NOS3: variants seen among roughly 807,000 people sequenced by gnomAD.
NOS3 encodes NOS type III.
Under a neutral mutation model 144.9 loss-of-function variants are expected in NOS3, and 98 were observed. The observed-to-expected ratio is 0.68, with a 90% confidence interval of 0.57 to 0.80. NOS3 has a LOEUF of 0.80. Ranked by LOEUF, NOS3 falls within the 30% of genes least tolerant of loss-of-function variation. NOS3 has a pLI of 0.00. For synonymous variants in NOS3, 714 were observed against 702.4 expected (o/e 1.02, Z -0.26); for missense variants, 1,465 against 1,656.4 (o/e 0.88, Z 2.01).
rs369543769 is a variant in NOS3 at position 151,001,315 on chromosome 7, G to C, written c.1318G>C (p.Gly440Arg). The change falls in exon 11 of 27, where the codon GGC becomes CGC. Residue 440 changes from glycine to arginine, a missense_variant. Transcript: ENST00000297494. ...HLENEQKARGGCPADWAWIVP... is the reference protein window; with the variant it reads ...HLENEQKARGRCPADWAWIVP... ...GGAGAATGAGCAGAAGGCCAGGGGGGGCTGCCCTGCAGACTGGGCCTGGAT... is the reference window on the plus strand; with the variant it reads ...GGAGAATGAGCAGAAGGCCAGGGGGCGCTGCCCTGCAGACTGGGCCTGGAT... 1 of 1,613,758 alleles carries C rather than the reference G, an allele frequency of 6.2e-7. No homozygotes were observed. Among genetic ancestry groups the C allele is most frequent in the Non-Finnish European group, 8.5e-7 (1 of 1,179,938 alleles).
Position 150,995,239 on chromosome 7 carries a change from G to T in NOS3, c.195G>T (p.Gly65=), listed in dbSNP as rs1461235777. The T allele has an allele frequency of 6.2e-7, 1 of 1,611,320 alleles. No individual in the cohort carries two copies. The highest frequency in any genetic ancestry group is 8.5e-7 in the Non-Finnish European group (1 of 1,178,870). Residue 65 remains glycine (G), a synonymous_variant, in exon 3 of 27, where the codon GGG becomes GGT. Transcript: ENST00000297494. ...PSSPLTQPPE[G]PKFPRVKNWE... ...CCCCGCTAACCCAGCCCCCAGAGGG[G>T]CCCAAGTTCCCTCGTGTGAAGAACT...
At position 151,010,667 on chromosome 7, in the gene NOS3, C is replaced by CGTCGGTGG; in HGVS notation, c.2757_2764dup (p.Ala922GlyfsTer39). On this transcript the variant is annotated frameshift_variant, in exon 22 of 27. Coordinates refer to ENST00000297494, the MANE Select transcript of NOS3 (RefSeq NM_000603.5). LOFTEE classifies it high-confidence loss of function. Reference sequence around the variant, plus strand: ...CTGCTGGAGGTGCTGGAGCAGTTCCCGTCGGTGGCGCTGCCTGCCCCACTG... The same window carrying CGTCGGTGG: ...CTGCTGGAGGTGCTGGAGCAGTTCCCGTCGGTGGGTCGGTGGCGCTGCCTGCCCCACTG... 1 of 1,608,314 alleles carries CGTCGGTGG rather than the reference C, an allele frequency of 6.2e-7. No individual in the cohort carries two copies. The highest frequency in any genetic ancestry group is 1.3e-5 in the African/African-American group (1 of 74,898).
In NOS3 at chr7:150,993,644, C is replaced by A; in HGVS notation, c.-51-109C>A. On this transcript the variant is annotated intron_variant, in intron 1 of 26. Transcript: ENST00000297494. The surrounding 1 kb of genome is among the most constrained non-coding windows in gnomAD (Gnocchi z 4.0). ...GAGCTGAGGCTTTAGAGCCTCCCAG[C>A]CGGGCTTGTTCCTGTCCCATTGTGT... is the stretch of plus-strand genomic sequence containing the variant. The A allele has an allele frequency of 1.5e-6, 1 of 688,440 alleles. No homozygotes were observed. The highest frequency in any genetic ancestry group is 2.3e-6 in the Non-Finnish European group (1 of 426,782). The allele number at this position is 688,440 out of a possible 1,614,324, so 42.6% of individuals were successfully genotyped here.
At chr7:151,013,613 C>T in intron 25 of NOS3, 111 bp from the exon 26 acceptor site, 4 of 1,122,012 alleles carry the variant, frequency 3.6e-6, no homozygotes, top group African/African-American at 1.6e-5. Context: ...GGCACGCAGG[C>T]CCCACCAGGC....
Position 151,009,543 on chromosome 7 carries a change from A to T in NOS3, c.2470A>T (p.Thr824Ser). 6.5e-7 allele frequency: 1 copy of T among 1,544,440 alleles called. No homozygotes were observed. Among genetic ancestry groups the T allele is most frequent in the Non-Finnish European group, 8.7e-7 (1 of 1,145,504 alleles). Reference protein sequence around the residue: ...LSRVEDPPAPTEPVAVEQLEK... With the variant: ...LSRVEDPPAPSEPVAVEQLEK... The stretch of plus-strand genomic sequence containing the variant: ...CCGCGTGGAGGACCCGCCGGCGCCC[A>T]CTGAGCCCGTGGCAGTAGAGCAGCT... Residue 824 changes from threonine (T) to serine (S), a missense_variant, in exon 20 of 27, where the codon ACT (threonine) becomes TCT (serine). By Grantham distance (58) the Thr-to-Ser change is moderately conservative. Transcript: ENST00000297494.
At position 151,001,309 on chromosome 7, in the gene NOS3, AGGGG is replaced by A. The variant is rs749517498; in HGVS notation, c.1316_1319del (p.Gly439AlafsTer64). 3 of 1,613,604 alleles carry A rather than the reference AGGGG, an allele frequency of 1.9e-6. No individual in the cohort carries two copies. The East Asian group carries it at 6.7e-5, about 36-fold the overall frequency. On this transcript the variant is annotated frameshift_variant, in exon 11 of 27. Coordinates refer to ENST00000297494, the MANE Select transcript of NOS3 (RefSeq NM_000603.5). LOFTEE classifies it high-confidence loss of function. Reference sequence around the variant, plus strand: ...GCACCTGGAGAATGAGCAGAAGGCCAGGGGGGGCTGCCCTGCAGACTGGGCCTGG... The same window carrying A: ...GCACCTGGAGAATGAGCAGAAGGCCAGGGCTGCCCTGCAGACTGGGCCTGG...
rs139519986 is a variant in NOS3, at chr7:151,010,716, C to G, written c.2805C>G (p.Leu935=). 3 of 1,613,010 alleles carry G rather than the reference C, an allele frequency of 1.9e-6. No homozygotes were observed. The highest frequency in any genetic ancestry group is 1.7e-6 in the Non-Finnish European group (2 of 1,179,628). The stretch of plus-strand genomic sequence containing the variant: ...TGCTCCTCACCCAGCTGCCTCTGCT[C>G]CAGCCCCGGTACTACTCAGTCAGCT... ...APLLLTQLPL[L]QPRYYSVSSA... Residue 935 remains leucine (L), a synonymous_variant, in exon 22 of 27, where the codon CTC becomes CTG. Coordinates refer to ENST00000297494, the MANE Select transcript of NOS3 (RefSeq NM_000603.5).
rs1485438425 is a variant in NOS3 at position 151,003,289 on chromosome 7, C to CTAA, written c.1752+987_1752+989dup. 9 of 504,872 alleles carry CTAA rather than the reference C, an allele frequency of 1.8e-5. No individual in the cohort carries two copies. The highest frequency in any genetic ancestry group is 1.8e-4 in the African/African-American group (9 of 50,788). 31.3% of individuals were successfully genotyped at this position (504,872 alleles called of 1,614,324 possible). On this transcript the variant is annotated intron_variant, in intron 14 of 26. Transcript: ENST00000297494. The surrounding 1 kb of genome is among the most constrained non-coding windows in gnomAD (Gnocchi z 4.1). ...TACAGGCGCATGCCATGATGCCTAGCTAATTTTTGTATTTTTTATAGAGAT... is the reference window on the plus strand; with the variant it reads ...TACAGGCGCATGCCATGATGCCTAGCTAATAATTTTTGTATTTTTTATAGAGAT...
At chr7:151,001,793 G>A in intron 12 of NOS3, 28 bp from the exon 13 acceptor site, 2 of 1,613,256 alleles carry the variant, frequency 1.2e-6, no homozygotes, top group South Asian at 1.1e-5. Context: ...GTGCACCCAG[G>A]ACACCCTCAC....
rs1472722301 is a variant in NOS3, at chr7:151,012,236, A to T, written c.2985-115A>T. 1.7e-3 allele frequency: 985 copies of T among 563,632 alleles called. No homozygotes were observed. Among genetic ancestry groups the T allele is most frequent in the East Asian group, 3.5e-3 (70 of 20,250 alleles). The allele number at this position is 563,632 out of a possible 1,614,324, so 34.9% of individuals were successfully genotyped here. ...GTTTTTTGTTTTTTGTTTTTTTTTT[A>T]ATTTTTTTTTGAGATGGGAAGAACT... On this transcript the variant is annotated intron_variant, in intron 23 of 26. Transcript: ENST00000297494.
intron 10 of NOS3, among the ~76,000 whole-genome samples, chr7:151,000,922 A>G (rs1376750342): frequency 6.6e-6 from 1 of 152,192 alleles, no homozygotes; most frequent in Admixed American, 6.5e-5. Context: ...TACCAGGATC[A>G]AGGGCACACC....
chr7:150,995,069 T>C, intron 2 of NOS3, 134 bp from the exon 3 acceptor site: 1 of 571,862 alleles, frequency 1.7e-6, no homozygotes, highest in East Asian at 2.9e-5. Flanking sequence ...TCCTAAGGCA[T>C]GGGGAACGCC....
chr7:150,993,890 G>A lies in NOS3; in HGVS notation c.87G>A (p.Gln29=). 2 of 1,601,226 alleles carry A rather than the reference G, an allele frequency of 1.2e-6. No individual in the cohort carries two copies. The highest frequency in any genetic ancestry group is 2.7e-5 in the African/African-American group (2 of 74,668). ...LGLGLGLCGK[Q]GPATPAPEPS... is the part of the protein sequence containing the mutation. ...TGGGCCTTGGGCTGTGCGGCAAGCA[G>A]GGCCCAGCCACCCCGGCCCCTGAGC... The change falls in exon 2 of 27, where the codon CAG becomes CAA. Residue 29 remains glutamine, a synonymous_variant. Transcript: ENST00000297494. The surrounding 1 kb of genome is among the most constrained non-coding windows in gnomAD (Gnocchi z 4.0).
At chr7:151,009,895 T>C (rs1795268045) in intron 20 of NOS3, among the ~76,000 whole-genome samples, 1 of 152,196 alleles carries the variant, frequency 6.6e-6, no homozygotes, top group Non-Finnish European at 1.5e-5. Context: ...CATCAATGCC[T>C]GGGCTTTATT....
chr7:151,013,556 GC>G (rs1364988908), intron 25 of NOS3, 167 bp from the exon 26 acceptor site: 55 of 263,678 alleles, frequency 2.1e-4, no homozygotes, highest in Non-Finnish European at 3.0e-4. Flanking sequence ...GCCTCCTCCC[GC>G]CCCTGCCCCG....
chr7:151,013,584 C>T (rs1795358761), intron 25 of NOS3, 140 bp from the exon 26 acceptor site: 1 of 1,021,618 alleles, frequency 9.8e-7, no homozygotes, highest in Non-Finnish European at 1.4e-6. Flanking sequence ...TGGCTCTGCC[C>T]CTGTTGACAC....
chr7:150,998,655 A>G lies in NOS3; in HGVS notation c.791A>G (p.Asp264Gly), dbSNP rs1584901577. 6.2e-7 allele frequency: 1 copy of G among 1,607,416 alleles called. No homozygotes were observed. Among genetic ancestry groups the G allele is most frequent in the Non-Finnish European group, 8.5e-7 (1 of 1,178,452 alleles). The change falls in exon 7 of 27, where the codon GAC becomes GGC. Residue 264 changes from aspartate (D) to glycine (G), a missense_variant. By Grantham distance (94) the Asp-to-Gly change is moderately conservative. Coordinates refer to ENST00000297494, the MANE Select transcript of NOS3 (RefSeq NM_000603.5). This position sits in a 1 kb window ranked among gnomAD's most constrained non-coding sequence, Gnocchi z 5.0. ...CAGCAGGATGGCTCTGTGCGGGGGGACCCAGCCAACGTGGAGATCACCGAG... is the reference window on the plus strand; with the variant it reads ...CAGCAGGATGGCTCTGTGCGGGGGGGCCCAGCCAACGTGGAGATCACCGAG... ...YRQQDGSVRG[D>G]PANVEITELC...
rs1185030199 is a variant in NOS3, at chr7:151,001,193, G to A, written c.1234-38G>A. 4 of 1,603,568 alleles carry A rather than the reference G, an allele frequency of 2.5e-6. No individual in the cohort carries two copies. The South Asian group carries it at 3.3e-5, about 13-fold the overall frequency. On this transcript the variant is annotated intron_variant, in intron 10 of 26. Transcript: ENST00000297494. ...GAGGAAGAATGGGCGAGGTCTGTGG[G>A]TCTGGTTTGAGCCTCTCCCCCTCTC... is the stretch of plus-strand genomic sequence containing the variant.
intron 10 of NOS3, among the ~76,000 whole-genome samples, 173 bp from the exon 11 acceptor site, chr7:151,001,058 A>G (rs1795078926): frequency 6.6e-6 from 1 of 152,140 alleles, no homozygotes; most frequent in Non-Finnish European, 1.5e-5. Flanking sequence ...CAGCATGACC[A>G]TGCATGATGT....
Sources: gnomAD v4.1 joint callset for allele counts (sites outside exome capture counted in the v4.1 genomes callset) on GRCh38, gnomAD v4.1.1 for gene constraint, Gnocchi (gnomAD v3.1) non-coding constraint, MANE v1.5 for transcripts, NCBI Gene and HGNC (gene_info 2026-07-23, HGNC 2026-07-21) for gene names.